The following NSMCE1 variants were observed in gnomAD, a reference collection of about 807,000 sequenced individuals.
NSMCE1 encodes NSE1 component of SMC5/6 complex.
Under a neutral mutation model 29.6 loss-of-function variants are expected in NSMCE1, and 18 were observed. That is an observed-to-expected ratio of 0.61 (90% CI 0.42 to 0.90). The LOEUF (loss-of-function observed/expected upper bound fraction) is 0.90, where lower values mean the gene tolerates loss of function less well. NSMCE1 is among the 40% of genes least tolerant of loss of function. The pLI, the probability that NSMCE1 is intolerant of heterozygous loss-of-function variation, is 0.00. For synonymous variants in NSMCE1, 124 were observed against 133.4 expected, an observed-to-expected ratio of 0.93 and a Z score of 0.49; for missense variants, 314 against 343.6, an observed-to-expected ratio of 0.91 and a Z score of 0.68.
In NSMCE1 at chr16:27,225,058, T is replaced by A; in HGVS notation, c.*99A>T. The A allele has an allele frequency of 1.4e-6, 1 of 698,754 alleles. No homozygotes were observed. 43.3% of individuals were successfully genotyped at this position (698,754 alleles called of 1,614,324 possible). A position where few individuals can be genotyped will look rare whatever the true frequency, so the allele number is the denominator to read the frequency against. Reference sequence around the variant, plus strand: ...ACGGTGAACATTAAGACGAAAGAGGTGACTCGCGTGGAACCTGAAACACGG... The same window carrying A: ...ACGGTGAACATTAAGACGAAAGAGGAGACTCGCGTGGAACCTGAAACACGG... On this transcript the variant is annotated 3_prime_UTR_variant, in exon 8 of 8. Coordinates refer to ENST00000361439, the MANE Select transcript of NSMCE1 (RefSeq NM_145080.4).
chr16:27,243,797 C>A (rs1018607927), intron 2 of NSMCE1, among the ~76,000 whole-genome samples: 1 of 151,930 alleles, frequency 6.6e-6, no homozygotes, highest in Non-Finnish European at 1.5e-5. Flanking sequence ...ACTACAAGCA[C>A]GAGCCACTAC....
chr16:27,236,292 CTTTTTTTTTTTTTT>C (rs35108912), intron 2 of NSMCE1, among the ~76,000 whole-genome samples: 2 of 92,114 alleles, frequency 2.2e-5, no homozygotes, highest in African/African-American at 9.8e-5. Context: ...TGCTGTGAAA[CTTTTTTTTTTTTTT>C]TTTTTTTTTT....
intron 7 of NSMCE1, 144 bp downstream of exon 7, chr16:27,225,582 G>A: frequency 1.1e-6 from 1 of 946,230 alleles, no homozygotes; most frequent in South Asian, 1.7e-5. Context: ...TCCTGCAGTG[G>A]CTTCTTCTAG....
At chr16:27,229,134 T>G (rs944029548) in intron 5 of NSMCE1, among the ~76,000 whole-genome samples, 1 of 152,238 alleles carries the variant, frequency 6.6e-6, no homozygotes, top group Admixed American at 6.5e-5. Flanking sequence ...GCAATCTTTG[T>G]GCTCAGATGG....
At chr16:27,265,457 C>A (rs1567286884) in intron 1 of NSMCE1, among the ~76,000 whole-genome samples, 1 of 152,084 alleles carries the variant, frequency 6.6e-6, no homozygotes, top group Non-Finnish European at 1.5e-5. Context: ...TGTGAGCCAC[C>A]ACTCCAGGCT....
At chr16:27,238,194 C>A (rs1244925060) in intron 2 of NSMCE1, among the ~76,000 whole-genome samples, 1 of 152,214 alleles carries the variant, frequency 6.6e-6, no homozygotes, top group Non-Finnish European at 1.5e-5. Context: ...CCTGCCCTCC[C>A]GCTCTGTGGG....
intron 2 of NSMCE1, among the ~76,000 whole-genome samples, chr16:27,248,369 T>C (rs540518349): frequency 4.4e-4 from 66 of 151,264 alleles, no homozygotes; most frequent in African/African-American, 1.5e-3. Flanking sequence ...GCCATTTTAA[T>C]ACACATGCAG....
intron 5 of NSMCE1, among the ~76,000 whole-genome samples, chr16:27,230,214 C>T (rs1254593980): frequency 6.6e-6 from 1 of 152,238 alleles, no homozygotes; most frequent in Non-Finnish European, 1.5e-5. Context: ...TGCCTCAGCA[C>T]CTCCATGCCG....
rs574107641 is a variant in NSMCE1 at position 27,236,085 on chromosome 16, G to A, written c.137-786C>T. On this transcript the variant is annotated intron_variant, in intron 2 of 7. Transcript: ENST00000361439. ...TGCCAGCAGGATGCTCACAGCCCAG[G>A]GGCCACCATCCAGGTCCATCAGTCT... Among the ~76,000 whole-genome samples, 216 of 152,254 alleles carry A rather than the reference G, an allele frequency of 1.4e-3. 2 individuals are homozygous for A. Among genetic ancestry groups the A allele is most frequent in the Non-Finnish European group, 1.3e-4 (9 of 68,024 alleles).
At chr16:27,250,175 T>G (rs922796016) in intron 2 of NSMCE1, among the ~76,000 whole-genome samples, 3 of 152,240 alleles carry the variant, frequency 2.0e-5, no homozygotes, top group Admixed American at 2.0e-4. Flanking sequence ...CCATCAGATT[T>G]TCTACACAGA....
At chr16:27,257,404 A>G (rs1464677322) in intron 2 of NSMCE1, 31 bp downstream of exon 2, 4 of 1,584,040 alleles carry the variant, frequency 2.5e-6, no homozygotes, top group Non-Finnish European at 3.4e-6. Context: ...ACAGCACCAG[A>G]GCGCCCTGGG....
chr16:27,265,575 T>G (rs564719341), intron 1 of NSMCE1, among the ~76,000 whole-genome samples: 47 of 152,286 alleles, frequency 3.1e-4, no homozygotes, highest in African/African-American at 1.1e-3. Flanking sequence ...ACTTCCACAT[T>G]TGCCCTAGGA....
Position 27,232,962 on chromosome 16 carries a change from GAAA to G in NSMCE1, c.483+36_483+38del. The stretch of plus-strand genomic sequence containing the variant: ...TTGGAGAAAAAACTGTTATTCACTT[GAAA>G]AAGTGAACCAGGCTGGAAAAACCAT... On this transcript the variant is annotated intron_variant, in intron 5 of 7. Coordinates refer to ENST00000361439, the MANE Select transcript of NSMCE1 (RefSeq NM_145080.4). This position sits in a 1 kb window ranked among gnomAD's most constrained non-coding sequence, Gnocchi z 4.5. 1 of 1,601,064 alleles carries G rather than the reference GAAA, an allele frequency of 6.2e-7. No individual in the cohort carries two copies. The highest frequency in any genetic ancestry group is 1.1e-5 in the South Asian group (1 of 88,770).
chr16:27,255,850 G>A (rs1332556454), intron 2 of NSMCE1, among the ~76,000 whole-genome samples: 2 of 152,110 alleles, frequency 1.3e-5, no homozygotes, highest in Admixed American at 6.5e-5. Flanking sequence ...ACCTTTTCTC[G>A]TGTCCCTTCA....
Position 27,225,108 on chromosome 16 carries a change from T to G in NSMCE1, c.*49A>C. 1 of 1,060,354 alleles carries G rather than the reference T, an allele frequency of 9.4e-7. No individual in the cohort carries two copies. Among genetic ancestry groups the G allele is most frequent in the East Asian group, 2.5e-5 (1 of 40,106 alleles). 65.7% of individuals were successfully genotyped at this position (1,060,354 alleles called of 1,614,324 possible). A position where few individuals can be genotyped will look rare whatever the true frequency, so the allele number is the denominator to read the frequency against. ...GACGCCTTTCTTCCAAGAAGGGCTG[T>G]GGCGATCAGGCCACTCAAGGCAGCC... On this transcript the variant is annotated 3_prime_UTR_variant, in exon 8 of 8. Transcript: ENST00000361439.
chr16:27,254,919 G>C (rs1052843721), intron 2 of NSMCE1, among the ~76,000 whole-genome samples: 1 of 119,820 alleles, frequency 8.3e-6, no homozygotes, highest in African/African-American at 3.2e-5. Flanking sequence ...TCGCTCTGTC[G>C]CCCAAGCTGG....
At chr16:27,244,902 T>C (rs114031262) in intron 2 of NSMCE1, among the ~76,000 whole-genome samples, 3,254 of 152,326 alleles carry the variant, frequency 0.021, 114 homozygotes, top group African/African-American at 0.073. Context: ...CCGAGGAAGA[T>C]GTGTGGTACA....
chr16:27,263,773 A>C (rs2084189623), intron 1 of NSMCE1, among the ~76,000 whole-genome samples: 1 of 152,178 alleles, frequency 6.6e-6, no homozygotes. Context: ...CTACACCAAA[A>C]ACAAATTTGG....
chr16:27,265,093 C>G (rs1168173948), intron 1 of NSMCE1, among the ~76,000 whole-genome samples: 1 of 145,932 alleles, frequency 6.9e-6, no homozygotes, highest in Non-Finnish European at 1.5e-5. Flanking sequence ...ACCAGACAGG[C>G]AAAAATTTTA....
Sources: allele counts gnomAD v4.1 joint callset (sites outside exome capture counted in the v4.1 genomes callset), GRCh38; gene constraint gnomAD v4.1.1; non-coding constraint Gnocchi (gnomAD v3.1); transcripts MANE v1.5; gene names NCBI Gene and HGNC (gene_info 2026-07-23, HGNC 2026-07-21).